OLFM2: variants seen among roughly 807,000 people sequenced by gnomAD.
OLFM2 encodes olfactomedin 2.
A neutral mutation model predicts 43.9 loss-of-function variants in OLFM2; 20 were observed. That is an observed-to-expected ratio of 0.46 (90% CI 0.32 to 0.66). The LOEUF is 0.66. Ranked by LOEUF, OLFM2 falls within the 30% of genes least tolerant of loss-of-function variation. The probability of loss-of-function intolerance (pLI) is 0.04; values close to 1 mark genes in which losing one functional copy is unlikely to be tolerated. For synonymous variants in OLFM2, 268 were observed against 278.6 expected (o/e 0.96, Z 0.38); for missense variants, 416 against 643.6 (o/e 0.65, Z 3.83).
intron 1 of OLFM2, among the ~76,000 whole-genome samples, chr19:9,863,207 A>G (rs1217772672): frequency 6.6e-6 from 1 of 152,112 alleles, no homozygotes; most frequent in African/African-American, 2.4e-5. Flanking sequence ...TTTGTGAAAC[A>G]AGGAGGAGGC....
intron 1 of OLFM2, among the ~76,000 whole-genome samples, chr19:9,930,279 T>C: frequency 6.6e-6 from 1 of 152,190 alleles, no homozygotes; most frequent in Non-Finnish European, 1.5e-5. Context: ...ATTTAAAAAT[T>C]TGTTTTTATT....
At chr19:9,859,560 T>C (rs2046350971) in intron 2 of OLFM2, among the ~76,000 whole-genome samples, 1 of 152,196 alleles carries the variant, frequency 6.6e-6, no homozygotes, top group Non-Finnish European at 1.5e-5. Context: ...CCCAAAGTGC[T>C]GGGATTACAG....
chr19:9,921,872 T>C (rs1328291390), intron 1 of OLFM2, among the ~76,000 whole-genome samples: 1 of 152,052 alleles, frequency 6.6e-6, no homozygotes, highest in Non-Finnish European at 1.5e-5. Context: ...GGCGGGAGGA[T>C]GGTTTGAACC....
intron 1 of OLFM2, among the ~76,000 whole-genome samples, chr19:9,912,291 A>G (rs529424974): frequency 6.6e-6 from 1 of 152,208 alleles, no homozygotes; most frequent in African/African-American, 2.4e-5. Context: ...GGCTGGACAA[A>G]GCCTTCTCAG....
chr19:9,889,979 T>C (rs1271938898), intron 1 of OLFM2, among the ~76,000 whole-genome samples: 1 of 151,994 alleles, frequency 6.6e-6, no homozygotes, highest in Non-Finnish European at 1.5e-5. Context: ...ATGAGTTTCC[T>C]GCCTTGGAAT....
chr19:9,909,597 C>A (rs1435377765), intron 1 of OLFM2, among the ~76,000 whole-genome samples: 1 of 152,184 alleles, frequency 6.6e-6, no homozygotes, highest in Non-Finnish European at 1.5e-5. Flanking sequence ...CACTGAGTTC[C>A]TTTTTAAAGC....
At chr19:9,877,896 A>T (rs1459866477) in intron 1 of OLFM2, among the ~76,000 whole-genome samples, 1 of 152,124 alleles carries the variant, frequency 6.6e-6, no homozygotes, top group East Asian at 1.9e-4. Flanking sequence ...TCTGTTGCCC[A>T]GGCTGGAGTG....
chr19:9,904,948 C>T (rs891920383), intron 1 of OLFM2, among the ~76,000 whole-genome samples: 4 of 151,632 alleles, frequency 2.6e-5, no homozygotes, highest in Non-Finnish European at 4.4e-5. Flanking sequence ...GAACACAGGA[C>T]GTCGAGGCTG....
At chr19:9,900,089 G>T (rs1164071719) in intron 1 of OLFM2, among the ~76,000 whole-genome samples, 1 of 152,080 alleles carries the variant, frequency 6.6e-6, no homozygotes, top group Non-Finnish European at 1.5e-5. Flanking sequence ...CCAGCTATTG[G>T]GTTTTGTGAG....
At chr19:9,914,876 G>C (rs2046862799) in intron 1 of OLFM2, among the ~76,000 whole-genome samples, 1 of 150,120 alleles carries the variant, frequency 6.7e-6, no homozygotes, top group African/African-American at 2.4e-5. Context: ...CCCTCAGCCC[G>C]CGGCCGCCGC....
chr19:9,921,832 G>A (rs987206490), intron 1 of OLFM2, among the ~76,000 whole-genome samples: 3 of 152,122 alleles, frequency 2.0e-5, no homozygotes, highest in Non-Finnish European at 2.9e-5. Flanking sequence ...AGTGGCTCAC[G>A]CCTGTCATCC....
At chr19:9,919,766 G>A (rs2086408241) in intron 1 of OLFM2, among the ~76,000 whole-genome samples, 1 of 147,756 alleles carries the variant, frequency 6.8e-6, no homozygotes, top group African/African-American at 2.5e-5. Flanking sequence ...ACAGGCATAA[G>A]CCACCACACC....
rs943148110 is a variant in OLFM2, at chr19:9,860,856, G to A, written c.64-62C>T. 1.1e-5 allele frequency: 16 copies of A among 1,510,786 alleles called. 1 individual carries two copies. The highest frequency in any genetic ancestry group is 9.4e-5 in the East Asian group (4 of 42,454). The allele number at this position is 1,510,786 out of a possible 1,614,324, so 93.6% of individuals were successfully genotyped here. On this transcript the variant is annotated intron_variant, in intron 1 of 5. Coordinates refer to ENST00000264833, the MANE Select transcript of OLFM2 (RefSeq NM_058164.4). ...TGAGGGTCTCGCCTCGCCCTCACTG[G>A]GACAGGAAGGGGGCCCAAGGAAACC...
intron 1 of OLFM2, among the ~76,000 whole-genome samples, chr19:9,899,857 C>T (rs569545585): frequency 1.3e-5 from 2 of 152,072 alleles, no homozygotes; most frequent in East Asian, 3.9e-4. Context: ...ACACCCGCCC[C>T]ACCCCCGCCG....
Position 9,854,198 on chromosome 19 carries a change from A to C in OLFM2, c.1353T>G (p.Ser451=). ...CCACAGCATTGGCTCAGGGGTCCCC[A>C]GAGGTGCTGATGACGTGAAACAGGG... ...NVTLFHVIST[S]GDP Residue 451 remains serine (S), a synonymous_variant, in exon 6 of 6, where the codon TCT becomes TCG. Transcript: ENST00000264833. The surrounding 1 kb of genome is among the most constrained non-coding windows in gnomAD (Gnocchi z 9.5). 6 of 1,614,120 alleles carry C rather than the reference A, an allele frequency of 3.7e-6. No individual in the cohort carries two copies. The highest frequency in any genetic ancestry group is 5.1e-6 in the Non-Finnish European group (6 of 1,179,994).
At chr19:9,889,421 GT>G (rs1409978944) in intron 1 of OLFM2, among the ~76,000 whole-genome samples, 1 of 151,968 alleles carries the variant, frequency 6.6e-6, no homozygotes, top group Non-Finnish European at 1.5e-5. Context: ...GTAAATGTTT[GT>G]CTTCTTTTGT....
intron 1 of OLFM2, among the ~76,000 whole-genome samples, chr19:9,902,851 T>G (rs1227167047): frequency 6.6e-6 from 1 of 150,778 alleles, no homozygotes; most frequent in African/African-American, 2.4e-5. Flanking sequence ...TTTTTTATAC[T>G]TTTTGCTGTA....
chr19:9,879,051 GGC>G (rs2046516402), intron 1 of OLFM2, among the ~76,000 whole-genome samples: 1 of 152,072 alleles, frequency 6.6e-6, no homozygotes, highest in Non-Finnish European at 1.5e-5. Flanking sequence ...CTGGAATAGG[GGC>G]CCAGTGGGAG....
At chr19:9,895,378 C>A (rs2046674600) in intron 1 of OLFM2, among the ~76,000 whole-genome samples, 1 of 151,910 alleles carries the variant, frequency 6.6e-6, no homozygotes, top group South Asian at 2.1e-4. Flanking sequence ...CGCCTGTAGT[C>A]CCAGCTACTC....
Sources: allele counts gnomAD v4.1 joint callset (sites outside exome capture counted in the v4.1 genomes callset), GRCh38; gene constraint gnomAD v4.1.1; non-coding constraint Gnocchi (gnomAD v3.1); transcripts MANE v1.5; gene names NCBI Gene and HGNC (gene_info 2026-07-23, HGNC 2026-07-21).